SATL1: variants seen among roughly 807,000 people sequenced by gnomAD.
The protein encoded by SATL1 is spermidine/spermine N(1)-acetyltransferase-like protein 1.
Under a neutral mutation model 51.8 loss-of-function variants are expected in SATL1, and 47 were observed. That is an observed-to-expected ratio of 0.91 (90% CI 0.72 to 1.16). The LOEUF (loss-of-function observed/expected upper bound fraction) is 1.16. SATL1 is among the 50% of genes most tolerant of loss of function. SATL1 has a pLI of 0.00. For synonymous variants in SATL1, 176 were observed against 182.4 expected (o/e 0.97, Z 0.28); for missense variants, 520 against 526.4 (o/e 0.99, Z 0.12).
chrX:85,103,732 G>T (rs1924957780), intron 4 of SATL1, 132 bp downstream of exon 4: 2 of 400,317 alleles, frequency 5.0e-6, no homozygotes, highest in South Asian at 8.7e-5. Context: ...CACTGACAAA[G>T]CTATCAAATT....
intron 1 of SATL1, among the ~76,000 whole-genome samples, chrX:85,229,500 G>A (rs1456417965): frequency 5.4e-5 from 6 of 111,239 alleles, no homozygotes; most frequent in Non-Finnish European, 9.5e-5. Flanking sequence ...CATATGCAAG[G>A]ATGGTTAATA....
At chrX:85,126,277 T>C (rs1451929933) in intron 2 of SATL1, among the ~76,000 whole-genome samples, 1 of 111,578 alleles carries the variant, frequency 9.0e-6, no homozygotes, top group Non-Finnish European at 1.9e-5. Flanking sequence ...CCTTTCCTAC[T>C]TTGTCAGTCC....
intron 2 of SATL1, among the ~76,000 whole-genome samples, chrX:85,190,976 G>A (rs747247836): frequency 4.7e-4 from 46 of 97,379 alleles, no homozygotes; most frequent in African/African-American, 1.7e-3. Flanking sequence ...TCGTGGTGTA[G>A]GGGGAGGGGG....
At chrX:85,133,381 A>C (rs917002182) in intron 2 of SATL1, among the ~76,000 whole-genome samples, 1 of 112,022 alleles carries the variant, frequency 8.9e-6, no homozygotes, top group Non-Finnish European at 1.9e-5. Context: ...CCCCTCCCCC[A>C]GCCAGGCTTG....
intron 2 of SATL1, among the ~76,000 whole-genome samples, chrX:85,214,477 G>A (rs1012255183): frequency 2.7e-5 from 3 of 111,255 alleles, no homozygotes; most frequent in Non-Finnish European, 5.7e-5. Context: ...AGATTTGGAA[G>A]GGTCAAATAT....
intron 2 of SATL1, among the ~76,000 whole-genome samples, chrX:85,130,875 T>C (rs1602854827): frequency 8.9e-6 from 1 of 112,141 alleles, no homozygotes; most frequent in Middle Eastern, 4.6e-3. Flanking sequence ...TCATAGAACA[T>C]CTTTATTTCT....
chrX:85,182,743 TTTG>T (rs1395635206), intron 2 of SATL1, among the ~76,000 whole-genome samples: 1 of 111,694 alleles, frequency 9.0e-6, no homozygotes, highest in Non-Finnish European at 1.9e-5. Flanking sequence ...CTCACCAGCA[TTTG>T]TTATTTTTTT....
At chrX:85,121,120 T>A (rs1364138684) in intron 2 of SATL1, among the ~76,000 whole-genome samples, 1 of 110,511 alleles carries the variant, frequency 9.0e-6, no homozygotes, top group Admixed American at 9.8e-5. Context: ...AGATGTTTTA[T>A]CTGTAAAATG....
At chrX:85,191,282 T>C (rs1922400192) in intron 2 of SATL1, among the ~76,000 whole-genome samples, 2 of 111,904 alleles carry the variant, frequency 1.8e-5, no homozygotes, top group African/African-American at 3.2e-5. Flanking sequence ...TGCATATTTA[T>C]TGGATACATT....
intron 1 of SATL1, among the ~76,000 whole-genome samples, chrX:85,241,890 G>GCTC (rs1424721184): frequency 8.9e-6 from 1 of 111,763 alleles, no homozygotes; most frequent in African/African-American, 3.3e-5. Context: ...AAATGGAATG[G>GCTC]GGAGAATCGA....
At chrX:85,199,872 A>T (rs1268461096) in intron 2 of SATL1, among the ~76,000 whole-genome samples, 3 of 111,790 alleles carry the variant, frequency 2.7e-5, no homozygotes, top group South Asian at 7.6e-4. Context: ...ATTGAATAAG[A>T]TCTAATATTT....
At chrX:85,102,221 T>A (rs1179686813) in intron 4 of SATL1, among the ~76,000 whole-genome samples, 5 of 107,973 alleles carry the variant, frequency 4.6e-5, no homozygotes, top group African/African-American at 1.7e-4. Context: ...CTCCTAATGC[T>A]ATCCTTCCCC....
intron 2 of SATL1, among the ~76,000 whole-genome samples, chrX:85,183,174 C>T (rs1275986230): frequency 9.0e-6 from 1 of 110,813 alleles, no homozygotes. Flanking sequence ...GAAGGATTTC[C>T]CTTATTTTTT....
intron 2 of SATL1, among the ~76,000 whole-genome samples, chrX:85,130,407 C>T (rs1180575125): frequency 1.8e-5 from 2 of 111,794 alleles, no homozygotes; most frequent in Non-Finnish European, 3.8e-5. Context: ...TTATCCATTT[C>T]TTCTAGATTT....
chrX:85,092,551 G>A lies in SATL1; in HGVS notation c.1928C>T (p.Thr643Ile), dbSNP rs1924555620. 4 of 1,204,198 alleles carry A rather than the reference G, an allele frequency of 3.3e-6. No individual in the cohort carries two copies. Among genetic ancestry groups the A allele is most frequent in the Non-Finnish European group, 4.5e-6 (4 of 891,307 alleles). The change falls in exon 8 of 8, where the codon ACA becomes ATA. Residue 643 changes from threonine to isoleucine, a missense_variant. This residue lies in a region of SATL1 where 488 missense variants were observed against 474.3 expected (regional missense o/e 1.03). Transcript: ENST00000644105. ...MLKRLSQIAI[T>I]TQCNCMHFLV... ...AAAGTGCATGCAGTTACATTGAGTT[G>A]TGATGGCTATCTGTTTAAAAACAAA...
At chrX:85,237,071 C>T (rs746864985) in intron 1 of SATL1, among the ~76,000 whole-genome samples, 13 of 110,528 alleles carry the variant, frequency 1.2e-4, no homozygotes, top group Admixed American at 1.9e-4. Flanking sequence ...AATTAAGTAC[C>T]TAGGAATTAA....
At chrX:85,166,609 T>C (rs1926841201) in intron 2 of SATL1, among the ~76,000 whole-genome samples, 1 of 110,653 alleles carries the variant, frequency 9.0e-6, no homozygotes. Context: ...AGGCCATAAC[T>C]AAAAAATCAA....
chrX:85,242,072 G>A (rs1292500219), intron 1 of SATL1, among the ~76,000 whole-genome samples: 3 of 112,047 alleles, frequency 2.7e-5, no homozygotes. Context: ...ATATTAAAGA[G>A]GAAGAATTCT....
chrX:85,177,904 T>TA (rs200067025), intron 2 of SATL1, among the ~76,000 whole-genome samples: 7 of 110,828 alleles, frequency 6.3e-5, no homozygotes, highest in East Asian at 2.8e-4. Flanking sequence ...GGTTCACACC[T>TA]AAAAAAAATC....
Sources: gnomAD v4.1 joint callset for allele counts (sites outside exome capture counted in the v4.1 genomes callset) on GRCh38, gnomAD v4.1.1 for gene constraint, gnomAD v4.1.1 regional missense constraint, MANE v1.5 for transcripts, NCBI Gene and HGNC (gene_info 2026-07-23, HGNC 2026-07-21) for gene names.